BCAR3: variants seen among roughly 807,000 people sequenced by gnomAD.
BCAR3 encodes BCAR3 adaptor protein, NSP family member.
In BCAR3, 37 loss-of-function variants were observed where a neutral mutation model predicts 80.1. That is an observed-to-expected ratio of 0.46 (90% CI 0.36 to 0.61). BCAR3 has a LOEUF of 0.61. Among genes scored for constraint, BCAR3 ranks in the 20% least tolerant of loss-of-function variants. The probability of loss-of-function intolerance (pLI) is 0.00; values close to 1 mark genes in which losing one functional copy is unlikely to be tolerated. For missense variants in BCAR3, 978 were observed against 1,068.2 expected, an observed-to-expected ratio of 0.92 and a Z score of 1.18; for synonymous variants, 389 against 418.9, an observed-to-expected ratio of 0.93 and a Z score of 0.87.
chr1:93,674,648 A>T lies in BCAR3; in HGVS notation c.283T>A (p.Trp95Arg). ...VTQDGIQESP[W>R]QDRHGETFTF... ...AAGGTTTCGCCGTGCCGGTCCTGCC[A>T]TGGGCTCTCCTGGATGCCATCCTGG... The change falls in exon 2 of 12, where the codon TGG becomes AGG. Residue 95 changes from tryptophan (W) to arginine (R), a missense_variant. Trp to Arg is a moderately radical substitution (Grantham distance 101, BLOSUM62 -3). Coordinates refer to ENST00000260502, the MANE Select transcript of BCAR3 (RefSeq NM_003567.4). The T allele has an allele frequency of 6.2e-7, 1 of 1,613,882 alleles. No individual in the cohort carries two copies. The highest frequency in any genetic ancestry group is 2.2e-5 in the East Asian group (1 of 44,888).
upstream of BCAR3, chr1:93,847,616 G>GT (rs550269484): frequency 2.4e-4 from 36 of 152,656 alleles, no homozygotes; most frequent in Non-Finnish European, 4.1e-4. Context: ...TCTAGAGGCT[G>GT]AAGGCATTCA....
intron 3 of BCAR3, among the ~76,000 whole-genome samples, chr1:93,698,311 G>C (rs1388290511): frequency 6.6e-6 from 1 of 152,188 alleles, no homozygotes; most frequent in East Asian, 1.9e-4. Context: ...TCTGCAAAAA[G>C]GTACCATTTT....
chr1:93,590,849 C>CAG (rs1182765643), intron 4 of BCAR3, among the ~76,000 whole-genome samples: 1 of 152,120 alleles, frequency 6.6e-6, no homozygotes, highest in African/African-American at 2.4e-5. Context: ...ATACCGTGGA[C>CAG]AGACATACAA....
intron 2 of BCAR3, among the ~76,000 whole-genome samples, chr1:93,809,775 TAAA>T (rs59236584): frequency 5.4e-5 from 3 of 55,528 alleles, no homozygotes; most frequent in Admixed American, 2.2e-4. Flanking sequence ...CTCAAAAAGA[TAAA>T]AAAAAAAAAA....
intron 9 of BCAR3, chr1:93,568,061 C>T: frequency 2.2e-6 from 1 of 446,402 alleles, no homozygotes; most frequent in Non-Finnish European, 4.1e-6. Context: ...TGGCGTGTGC[C>T]TGTAATCCCA....
intron 2 of BCAR3, among the ~76,000 whole-genome samples, chr1:93,643,227 C>CA (rs1279066105): frequency 0.035 from 3,874 of 111,378 alleles, 150 homozygotes; most frequent in Admixed American, 0.15. Context: ...AACTCCATCT[C>CA]AAAAAAAAAA....
intron 1 of BCAR3, among the ~76,000 whole-genome samples, chr1:93,675,296 TTAGA>T (rs1648420629): frequency 6.6e-6 from 1 of 152,184 alleles, no homozygotes; most frequent in African/African-American, 2.4e-5. Flanking sequence ...TTATAAACTG[TTAGA>T]TAATTAGCTC....
chr1:93,698,257 GGCGCAGGACTGCATTT>G (rs1571055510), intron 3 of BCAR3, among the ~76,000 whole-genome samples: 1 of 152,196 alleles, frequency 6.6e-6, no homozygotes, highest in Non-Finnish European at 1.5e-5. Flanking sequence ...TGTGTGTCCT[GGCGCAGGACTGCATTT>G]GCTGGGGAAA....
At chr1:93,573,609 T>TTTTATTATTATTATTA (rs760911546) in intron 8 of BCAR3, among the ~76,000 whole-genome samples, 1 of 142,812 alleles carries the variant, frequency 7.0e-6, no homozygotes, top group African/African-American at 2.7e-5. Context: ...AAAATATATT[T>TTTTATTATTATTATTA]TTATTATTAT....
intron 2 of BCAR3, among the ~76,000 whole-genome samples, chr1:93,714,232 C>T (rs1321755803): frequency 1.3e-5 from 2 of 152,216 alleles, no homozygotes; most frequent in Non-Finnish European, 2.9e-5. Flanking sequence ...CCGCCCACCT[C>T]GGCCTCCCAA....
chr1:93,846,399 T>C (rs1655181074), intron 1 of BCAR3, among the ~76,000 whole-genome samples: 1 of 152,094 alleles, frequency 6.6e-6, no homozygotes, highest in Non-Finnish European at 1.5e-5. Flanking sequence ...TGTGAGCTAA[T>C]AGGAACGGGG....
chr1:93,625,424 T>G (rs530854059), intron 3 of BCAR3, among the ~76,000 whole-genome samples: 1 of 152,298 alleles, frequency 6.6e-6, no homozygotes, highest in South Asian at 2.1e-4. Flanking sequence ...TGAACCAGGA[T>G]GGATTCAGCT....
intron 2 of BCAR3, among the ~76,000 whole-genome samples, chr1:93,808,641 A>T (rs1653731859): frequency 6.6e-6 from 1 of 152,160 alleles, no homozygotes; most frequent in Non-Finnish European, 1.5e-5. Context: ...GAAGGAAGAT[A>T]GAGAACTACA....
intron 2 of BCAR3, among the ~76,000 whole-genome samples, chr1:93,727,112 T>G (rs1344046970): frequency 3.3e-5 from 5 of 152,214 alleles, no homozygotes; most frequent in Non-Finnish European, 4.4e-5. Flanking sequence ...CATTTTGCAG[T>G]CTTTCATTGT....
intron 2 of BCAR3, among the ~76,000 whole-genome samples, chr1:93,750,096 G>T (rs571213724): frequency 6.6e-6 from 1 of 152,316 alleles, no homozygotes; most frequent in South Asian, 2.1e-4. Context: ...CTGCCTTCAA[G>T]AATCCAGGTG....
At chr1:93,833,058 G>C (rs1654631674) in intron 2 of BCAR3, among the ~76,000 whole-genome samples, 1 of 152,064 alleles carries the variant, frequency 6.6e-6, no homozygotes, top group South Asian at 2.1e-4. Flanking sequence ...TTTCAATGTA[G>C]GTTCTTTTCT....
rs754388397 is a variant in BCAR3 at position 93,571,794 on chromosome 1, G to A, written c.1850C>T (p.Thr617Met). The A allele has an allele frequency of 1.7e-5, 28 of 1,613,978 alleles. No homozygotes were observed. Among genetic ancestry groups the A allele is most frequent in the Non-Finnish European group, 2.1e-5 (25 of 1,180,032 alleles). The change falls in exon 9 of 12, where the codon ACG becomes ATG. Residue 617 changes from threonine to methionine, a missense_variant. Thr to Met is a moderately conservative substitution (Grantham distance 81). Coordinates refer to ENST00000260502, the MANE Select transcript of BCAR3 (RefSeq NM_003567.4). ...GGCCGCTCGGTCCTCCAAAGTGCCC[G>A]TGCATCCCAGAATGTCCACTGCAAT... is the stretch of plus-strand genomic sequence containing the variant. ...IGIAVDILGC[T>M]GTLEDRAATL...
At chr1:93,658,098 G>A (rs1228020831) in intron 2 of BCAR3, among the ~76,000 whole-genome samples, 1 of 151,820 alleles carries the variant, frequency 6.6e-6, no homozygotes, top group Non-Finnish European at 1.5e-5. Flanking sequence ...CCACCACCAC[G>A]CCCAGCTAAT....
chr1:93,724,072 G>A (rs146448359), intron 2 of BCAR3, among the ~76,000 whole-genome samples: 95 of 152,304 alleles, frequency 6.2e-4, no homozygotes, highest in African/African-American at 2.3e-3. Flanking sequence ...AACAGGTTGG[G>A]GGGCAACAAA....
Sources: gnomAD v4.1 joint callset for allele counts (sites outside exome capture counted in the v4.1 genomes callset) on GRCh38, gnomAD v4.1.1 for gene constraint, MANE v1.5 for transcripts, NCBI Gene and HGNC (gene_info 2026-07-23, HGNC 2026-07-21) for gene names.